The following PRIM2 variants were observed in gnomAD, a reference collection of about 807,000 sequenced individuals.
The protein encoded by PRIM2 is DNA primase large subunit.
In PRIM2, 39 loss-of-function variants were observed where a neutral mutation model predicts 67.3. The observed-to-expected ratio is 0.58, with a 90% confidence interval of 0.45 to 0.76. The LOEUF (loss-of-function observed/expected upper bound fraction) is 0.76, where lower values mean the gene tolerates loss of function less well. Ranked by LOEUF, PRIM2 falls within the 30% of genes least tolerant of loss-of-function variation. The probability of loss-of-function intolerance (pLI) is 0.00; values close to 1 mark genes in which losing one functional copy is unlikely to be tolerated. For synonymous variants in PRIM2, 143 were observed against 198.7 expected (o/e 0.72, Z 2.36); for missense variants, 398 against 598.7 (o/e 0.66, Z 3.50).
Position 57,638,163 on chromosome 6 carries a change from G to A in PRIM2, c.1299+5962G>A, listed in dbSNP as rs1413983072. On this transcript the variant is annotated intron_variant, in intron 13 of 13. Transcript: ENST00000615550. ...TGCAGCCAAACTAACCTTCATAAGC[G>A]AAGGAGAAATAAAATCCTTTACAGA... Among the ~76,000 whole-genome samples the A allele has an allele frequency of 9.9e-5, 15 of 152,252 alleles. No homozygotes were observed. In the East Asian group the frequency reaches 1.7e-3, roughly 18 times the overall value.
At chr6:57,385,282 A>G (rs1026070953) in intron 7 of PRIM2, among the ~76,000 whole-genome samples, 18 of 152,306 alleles carry the variant, frequency 1.2e-4, no homozygotes, top group African/African-American at 4.3e-4. Context: ...TTTGAATTCC[A>G]TTCTTCTTCA....
At chr6:57,367,547 G>A (rs12200857) in intron 5 of PRIM2, among the ~76,000 whole-genome samples, 1 of 152,132 alleles carries the variant, frequency 6.6e-6, no homozygotes, top group Admixed American at 6.5e-5. Context: ...ACTTAAAACA[G>A]TACCCATCTT....
chr6:57,258,844 G>A, the PRIM2 span, among the ~76,000 whole-genome samples: 2 of 152,090 alleles, frequency 1.3e-5, no homozygotes, highest in South Asian at 4.1e-4. Context: ...CCAGAACCTG[G>A]ACTCTTGGAG....
At chr6:57,276,207 T>C in the PRIM2 span, among the ~76,000 whole-genome samples, 1 of 151,910 alleles carries the variant, frequency 6.6e-6, no homozygotes, top group African/African-American at 2.4e-5. Context: ...CTGGCCAACA[T>C]AGTGAAACCC....
intron 7 of PRIM2, 92 bp downstream of exon 7, chr6:57,382,260 A>G: frequency 7.5e-7 from 1 of 1,334,074 alleles, no homozygotes; most frequent in Non-Finnish European, 1.0e-6. Flanking sequence ...CTAGGAAATA[A>G]GTTAATTCAG....
At chr6:57,469,697 A>G (rs1285271602) in intron 7 of PRIM2, among the ~76,000 whole-genome samples, 3 of 152,152 alleles carry the variant, frequency 2.0e-5, no homozygotes, top group Admixed American at 6.5e-5. Context: ...TATACTTTCA[A>G]TATTTTAACA....
In PRIM2 at chr6:57,601,195, C is replaced by T. The variant is rs1454110188; in HGVS notation, c.1123C>T (p.Pro375Ser). The T allele has an allele frequency of 3.1e-6, 5 of 1,609,610 alleles. No individual in the cohort carries two copies. The African/African-American group carries it at 6.7e-5, about 22-fold the overall frequency. ...TTGCCTGAAGATTATTCTGTCCAAT[C>T]CACCAAGCCAAGGGGATTATCATGG... ...FSCLKIILSN[P>S]PSQGDYHGCP... The change falls in exon 11 of 14, where the codon CCA becomes TCA. Residue 375 changes from proline (P) to serine (S), a missense_variant. Transcript: ENST00000615550.
chr6:57,425,701 A>C (rs554209855), intron 7 of PRIM2, among the ~76,000 whole-genome samples: 1 of 152,202 alleles, frequency 6.6e-6, no homozygotes, highest in African/African-American at 2.4e-5. Flanking sequence ...TAGTCTGAGT[A>C]ATGATGAGAG....
At chr6:57,492,104 G>A (rs1278853315) in intron 7 of PRIM2, among the ~76,000 whole-genome samples, 8 of 152,262 alleles carry the variant, frequency 5.3e-5, no homozygotes, top group African/African-American at 1.4e-4. Flanking sequence ...GAGGTTGTCC[G>A]GGGACCCTTC....
chr6:57,334,825 A>G (rs965717594), intron 5 of PRIM2, among the ~76,000 whole-genome samples: 4 of 152,184 alleles, frequency 2.6e-5, no homozygotes, highest in African/African-American at 4.8e-5. Context: ...GTTCGGAGTC[A>G]ATTAGATTGA....
At chr6:57,273,688 A>T in the PRIM2 span, among the ~76,000 whole-genome samples, 2 of 152,118 alleles carry the variant, frequency 1.3e-5, no homozygotes, top group African/African-American at 4.8e-5. Context: ...ATTCCTTTGG[A>T]GGAGGAGAGG....
intron 7 of PRIM2, among the ~76,000 whole-genome samples, chr6:57,441,165 G>A (rs1389182897): frequency 3.3e-5 from 5 of 152,200 alleles, no homozygotes; most frequent in African/African-American, 4.8e-5. Context: ...TCACAACTCT[G>A]TGCATTCTTT....
chr6:57,403,122 AT>A (rs1770767334), intron 7 of PRIM2, among the ~76,000 whole-genome samples: 1 of 152,168 alleles, frequency 6.6e-6, no homozygotes, highest in Non-Finnish European at 1.5e-5. Flanking sequence ...TTAGTGAAAT[AT>A]TTTAGGTTTT....
chr6:57,422,688 C>A (rs1771504951), intron 7 of PRIM2, among the ~76,000 whole-genome samples: 1 of 151,150 alleles, frequency 6.6e-6, no homozygotes, highest in Admixed American at 6.6e-5. Flanking sequence ...ATACTGTTTA[C>A]ATTTTTTTGA....
At chr6:57,575,097 A>C (rs1218042144) in intron 10 of PRIM2, among the ~76,000 whole-genome samples, 4 of 152,132 alleles carry the variant, frequency 2.6e-5, no homozygotes, top group Non-Finnish European at 5.9e-5. Flanking sequence ...CTTGGATGCC[A>C]AATAGGCTCC....
chr6:57,446,176 G>C (rs28636822), intron 7 of PRIM2, among the ~76,000 whole-genome samples: 38 of 148,076 alleles, frequency 2.6e-4, no homozygotes, highest in South Asian at 4.4e-4. Flanking sequence ...CTGAAAAGAC[G>C]TCTTGTAAAA....
intron 10 of PRIM2, among the ~76,000 whole-genome samples, chr6:57,590,054 A>G (rs1307185972): frequency 1.9e-4 from 29 of 152,328 alleles, no homozygotes; most frequent in African/African-American, 6.0e-4. Context: ...AAAGACTTCT[A>G]GCTGAGTAGA....
chr6:57,328,711 T>A (rs952171613), intron 5 of PRIM2, among the ~76,000 whole-genome samples: 4 of 152,204 alleles, frequency 2.6e-5, no homozygotes, highest in Non-Finnish European at 5.9e-5. Flanking sequence ...ATAGGGTGAT[T>A]CTGTGTTTAA....
chr6:57,481,214 TATTTAATC>T (rs1277017173), intron 7 of PRIM2, among the ~76,000 whole-genome samples: 1 of 152,176 alleles, frequency 6.6e-6, no homozygotes, highest in Non-Finnish European at 1.5e-5. Flanking sequence ...GATACAGAAC[TATTTAATC>T]ATTACAAAGA....
Sources: gnomAD v4.1 joint callset for allele counts (sites outside exome capture counted in the v4.1 genomes callset) on GRCh38, gnomAD v4.1.1 for gene constraint, MANE v1.5 for transcripts, NCBI Gene and HGNC (gene_info 2026-07-23, HGNC 2026-07-21) for gene names.